Variants in SH3KBP1 observed in about 807,000 individuals in gnomAD.
SH3KBP1 encodes the protein SH3 domain-containing kinase-binding protein 1.
A neutral mutation model predicts 50.1 loss-of-function variants in SH3KBP1; 8 were observed. That is an observed-to-expected ratio of 0.16 (90% confidence interval 0.09 to 0.29). The LOEUF is 0.29. SH3KBP1 is among the 10% of genes least tolerant of loss of function. SH3KBP1 has a pLI of 1.00. For missense variants in SH3KBP1, 377 were observed against 535.2 expected (o/e 0.70, Z 2.92); for synonymous variants, 227 against 218.6 (o/e 1.04, Z -0.34).
At chrX:19,774,711 A>AAAGAAAGAAAGG (rs2065919915) in intron 2 of SH3KBP1, among the ~76,000 whole-genome samples, 5 of 105,921 alleles carry the variant, frequency 4.7e-5, no homozygotes, top group Admixed American at 9.9e-5. Flanking sequence ...AGAAAGAAAG[A>AAAGAAAGAAAGG]AGAAACCTAA....
At chrX:19,694,600 G>A (rs1232691047) in intron 5 of SH3KBP1, among the ~76,000 whole-genome samples, 2 of 110,934 alleles carry the variant, frequency 1.8e-5, no homozygotes, top group East Asian at 2.8e-4. Flanking sequence ...AGCAAGTGCT[G>A]CTGTTTCTCG....
At chrX:19,780,583 G>A (rs896559815) in intron 2 of SH3KBP1, among the ~76,000 whole-genome samples, 9 of 109,315 alleles carry the variant, frequency 8.2e-5, no homozygotes, top group Non-Finnish European at 1.3e-4. Flanking sequence ...TAGGTCTAAC[G>A]TTTTAAGTCT....
intron 1 of SH3KBP1, among the ~76,000 whole-genome samples, chrX:19,856,715 C>G (rs1400986234): frequency 9.0e-6 from 1 of 110,876 alleles, no homozygotes; most frequent in African/African-American, 3.3e-5. Context: ...CAAAAGGAAC[C>G]AACCCCACCA....
At chrX:19,577,677 C>T (rs2066243452) in intron 12 of SH3KBP1, among the ~76,000 whole-genome samples, 1 of 109,588 alleles carries the variant, frequency 9.1e-6, no homozygotes, top group South Asian at 3.9e-4. Context: ...TGTTGAAGTG[C>T]ACAGGAAGCC....
At chrX:19,574,968 C>T (rs999584269) in intron 12 of SH3KBP1, among the ~76,000 whole-genome samples, 2 of 111,856 alleles carry the variant, frequency 1.8e-5, no homozygotes, top group East Asian at 5.6e-4. Context: ...CCTGCAGCTA[C>T]CTTGATCTTA....
intron 2 of SH3KBP1, among the ~76,000 whole-genome samples, chrX:19,761,568 A>C (rs937757050): frequency 1.8e-5 from 2 of 112,340 alleles, no homozygotes; most frequent in African/African-American, 6.5e-5. Context: ...AGAAAAGCTG[A>C]AGTCCTCAAC....
intron 12 of SH3KBP1, among the ~76,000 whole-genome samples, chrX:19,571,507 C>T (rs2066006907): frequency 8.9e-6 from 1 of 112,039 alleles, no homozygotes; most frequent in South Asian, 3.7e-4. Flanking sequence ...GCCCCAGCAC[C>T]CACTAATTTG....
At chrX:19,875,077 G>A (rs900401263) in intron 1 of SH3KBP1, among the ~76,000 whole-genome samples, 9 of 110,801 alleles carry the variant, frequency 8.1e-5, no homozygotes, top group African/African-American at 2.6e-4. Context: ...CTCGTCAGGC[G>A]GTGGCTGTTT....
intron 7 of SH3KBP1, among the ~76,000 whole-genome samples, chrX:19,632,465 G>A (rs1422286219): frequency 8.9e-6 from 1 of 112,740 alleles, no homozygotes; most frequent in Non-Finnish European, 1.9e-5. Flanking sequence ...AGAGACAAAT[G>A]TCAATGTATT....
At chrX:19,611,680 C>A (rs2067421442) in intron 8 of SH3KBP1, among the ~76,000 whole-genome samples, 1 of 111,186 alleles carries the variant, frequency 9.0e-6, no homozygotes, top group Non-Finnish European at 1.9e-5. Flanking sequence ...CCCATACACC[C>A]CTACGGGAGA....
intron 1 of SH3KBP1, among the ~76,000 whole-genome samples, chrX:19,855,981 C>T (rs1412740680): frequency 9.0e-6 from 1 of 111,120 alleles, no homozygotes; most frequent in African/African-American, 3.3e-5. Flanking sequence ...TAACACATTC[C>T]ACAAGCTATT....
chrX:19,541,904 C>T, intron 16 of SH3KBP1, 21 bp downstream of exon 16: 1 of 1,192,585 alleles, frequency 8.4e-7, no homozygotes, highest in Non-Finnish European at 1.1e-6. Context: ...TGACGGCCCC[C>T]AAGAGTCCCC....
At chrX:19,830,715 T>A (rs1297366735) in intron 2 of SH3KBP1, among the ~76,000 whole-genome samples, 1 of 109,982 alleles carries the variant, frequency 9.1e-6, no homozygotes, top group Non-Finnish European at 1.9e-5. Context: ...TAAGCCGTGA[T>A]CACGCCACTG....
At position 19,542,002 on chromosome X, in the gene SH3KBP1, G is replaced by A. The variant is rs1357167513; in HGVS notation, c.1815C>T (p.Ser605=). 2.5e-6 allele frequency: 3 copies of A among 1,210,198 alleles called. No individual in the cohort carries two copies. The highest frequency in any genetic ancestry group is 3.4e-6 in the Non-Finnish European group (3 of 895,200). The change falls in exon 16 of 18, where the codon AGC becomes AGT. Residue 605 remains serine (S), a synonymous_variant. Coordinates refer to ENST00000397821, the MANE Select transcript of SH3KBP1 (RefSeq NM_031892.3). ...TCCTTAGCTCCTCCACGGCCGCCTG[G>A]CTGCTGGCCGCAGGCTCCATCTTTG... ...GKPKMEPAAS[S]QAAVEELRTQ...
At position 19,613,642 on chromosome X, in the gene SH3KBP1, C is replaced by T. The variant is rs376337362; in HGVS notation, c.898-5597G>A. ...CTATAAAATGCAAATGATGTTTTTC[C>T]TTTTAAGGAATGAATGAATTGAGCA... On this transcript the variant is annotated intron_variant, in intron 8 of 17. Coordinates refer to ENST00000397821, the MANE Select transcript of SH3KBP1 (RefSeq NM_031892.3). 1.3e-4 allele frequency among the ~76,000 whole-genome samples: 15 copies of T among 112,687 alleles called. No individual in the cohort carries two copies. In the East Asian group the frequency reaches 4.2e-3, roughly 31 times the overall value.
chrX:19,712,451 T>C (rs2063799464), intron 3 of SH3KBP1, among the ~76,000 whole-genome samples: 1 of 111,931 alleles, frequency 8.9e-6, no homozygotes, highest in East Asian at 2.8e-4. Flanking sequence ...ATCAGATAGA[T>C]AGTTATGGGG....
intron 2 of SH3KBP1, among the ~76,000 whole-genome samples, chrX:19,793,085 C>T (rs769375251): frequency 6.0e-4 from 65 of 109,067 alleles, no homozygotes; most frequent in Non-Finnish European, 1.1e-3. Context: ...TTACTTTAGC[C>T]CAGGAATTCC....
intron 12 of SH3KBP1, among the ~76,000 whole-genome samples, chrX:19,583,759 T>G (rs1406501237): frequency 1.9e-5 from 2 of 105,372 alleles, no homozygotes; most frequent in African/African-American, 6.8e-5. Context: ...ATAGTATTAT[T>G]ATAATTATTA....
intron 8 of SH3KBP1, among the ~76,000 whole-genome samples, chrX:19,611,956 GAAAAAAAAA>G (rs3036638): frequency 5.3e-5 from 2 of 38,051 alleles, no homozygotes; most frequent in Admixed American, 4.0e-4. Context: ...AGCAGAAGTA[GAAAAAAAAA>G]AAAAAAAAAA....
Sources: allele counts gnomAD v4.1 joint callset (sites outside exome capture counted in the v4.1 genomes callset), GRCh38; gene constraint gnomAD v4.1.1; transcripts MANE v1.5; gene names NCBI Gene and HGNC (gene_info 2026-07-23, HGNC 2026-07-21).